NXPE2: variants seen among roughly 807,000 people sequenced by gnomAD.
NXPE2 encodes the protein NXPE family member 2.
Under a neutral mutation model 34.4 loss-of-function variants are expected in NXPE2, and 34 were observed. The observed-to-expected ratio is 0.99, with a 90% CI of 0.75 to 1.31. The LOEUF is 1.31. NXPE2 is among the 40% of genes most tolerant of loss of function. The pLI, the probability that NXPE2 is intolerant of heterozygous loss-of-function variation, is 0.00. For synonymous variants in NXPE2, 235 were observed against 231.3 expected, an observed-to-expected ratio of 1.02 and a Z score of -0.15; for missense variants, 649 against 672.5, an observed-to-expected ratio of 0.97 and a Z score of 0.39.
the NXPE2 span, among the ~76,000 whole-genome samples, chr11:114,626,863 G>A: frequency 1.6e-4 from 24 of 152,190 alleles, no homozygotes; most frequent in African/African-American, 2.9e-4. Context: ...CGAGAACTAC[G>A]TGAAGAATGC....
chr11:114,770,234 G>A, the NXPE2 span, among the ~76,000 whole-genome samples: 28 of 152,188 alleles, frequency 1.8e-4, no homozygotes, highest in African/African-American at 5.8e-4. Flanking sequence ...AGGTCAGTCT[G>A]GTGGTTTTCT....
At chr11:114,646,743 A>G in the NXPE2 span, among the ~76,000 whole-genome samples, 2 of 152,194 alleles carry the variant, frequency 1.3e-5, no homozygotes. Context: ...ATTACACAAT[A>G]TAATAAGTTT....
At chr11:114,542,633 A>G in the NXPE2 span, among the ~76,000 whole-genome samples, 1 of 152,178 alleles carries the variant, frequency 6.6e-6, no homozygotes, top group East Asian at 1.9e-4. Flanking sequence ...TAACTGAAGT[A>G]AAAGGACATT....
At chr11:114,627,706 T>C in the NXPE2 span, among the ~76,000 whole-genome samples, 2 of 152,196 alleles carry the variant, frequency 1.3e-5, no homozygotes. Context: ...AATGCTCCAA[T>C]TAAAAGACAC....
At chr11:114,467,858 C>T in the NXPE2 span, among the ~76,000 whole-genome samples, 1 of 152,012 alleles carries the variant, frequency 6.6e-6, no homozygotes, top group South Asian at 2.1e-4. Context: ...ATCACTTGAA[C>T]TTGGGAGGCA....
At chr11:114,776,219 C>T in the NXPE2 span, among the ~76,000 whole-genome samples, 2 of 152,216 alleles carry the variant, frequency 1.3e-5, no homozygotes, top group African/African-American at 2.4e-5. Context: ...CAGCGGCCCC[C>T]GTGTCCGGGC....
At chr11:114,465,727 G>A in the NXPE2 span, among the ~76,000 whole-genome samples, 2 of 152,304 alleles carry the variant, frequency 1.3e-5, no homozygotes, top group Admixed American at 1.3e-4. Context: ...TACTTGGGAA[G>A]CTGAGGCAGG....
At chr11:114,521,330 A>C in the NXPE2 span, among the ~76,000 whole-genome samples, 3 of 152,158 alleles carry the variant, frequency 2.0e-5, no homozygotes, top group Non-Finnish European at 4.4e-5. Context: ...TATGTATTTC[A>C]ATTAACTGCA....
the NXPE2 span, among the ~76,000 whole-genome samples, chr11:114,715,251 CAA>C: frequency 5.9e-5 from 9 of 152,098 alleles, no homozygotes. Flanking sequence ...AAATAATACC[CAA>C]GAGGCAAATA....
the NXPE2 span, among the ~76,000 whole-genome samples, chr11:114,737,308 T>G: frequency 1.3e-5 from 2 of 152,176 alleles, no homozygotes; most frequent in African/African-American, 4.8e-5. Flanking sequence ...CAATATGAGC[T>G]AATGCCTCAA....
chr11:114,718,215 C>A, the NXPE2 span, among the ~76,000 whole-genome samples: 2 of 152,192 alleles, frequency 1.3e-5, no homozygotes, highest in Non-Finnish European at 2.9e-5. Flanking sequence ...AGATCTGTAT[C>A]TTTGGACAAG....
At chr11:114,569,512 G>T in the NXPE2 span, among the ~76,000 whole-genome samples, 9 of 152,180 alleles carry the variant, frequency 5.9e-5, no homozygotes, top group African/African-American at 1.9e-4. Context: ...TCTGGCTGAA[G>T]CAGTGGTATT....
the NXPE2 span, chr11:114,530,937 T>C: frequency 6.4e-7 from 1 of 1,552,916 alleles, no homozygotes; most frequent in Non-Finnish European, 8.7e-7. Flanking sequence ...TGATATACTA[T>C]GAAATTAACC....
At chr11:114,491,902 T>G in the NXPE2 span, among the ~76,000 whole-genome samples, 3 of 152,146 alleles carry the variant, frequency 2.0e-5, no homozygotes, top group African/African-American at 7.2e-5. Context: ...AGCAAACTAT[T>G]GCAAGGACAA....
At chr11:114,742,829 C>T in the NXPE2 span, among the ~76,000 whole-genome samples, 1 of 152,104 alleles carries the variant, frequency 6.6e-6, no homozygotes, top group African/African-American at 2.4e-5. Context: ...CCAAGCATAG[C>T]TCTGGGGTAG....
chr11:114,794,712 A>G, the NXPE2 span, among the ~76,000 whole-genome samples: 1 of 152,192 alleles, frequency 6.6e-6, no homozygotes, highest in Non-Finnish European at 1.5e-5. Flanking sequence ...TGTTCCTATC[A>G]TAGAATAGGA....
the NXPE2 span, among the ~76,000 whole-genome samples, chr11:114,591,252 G>T: frequency 1.3e-5 from 2 of 152,156 alleles, no homozygotes; most frequent in Non-Finnish European, 2.9e-5. Context: ...GCAAGGGAAA[G>T]GTAGCTAACA....
At chr11:114,658,181 C>A in the NXPE2 span, among the ~76,000 whole-genome samples, 1 of 152,126 alleles carries the variant, frequency 6.6e-6, no homozygotes, top group Non-Finnish European at 1.5e-5. Flanking sequence ...CACAGGCCAA[C>A]CATCTAGCTT....
chr11:114,663,788 C>T, the NXPE2 span, among the ~76,000 whole-genome samples: 2 of 151,978 alleles, frequency 1.3e-5, no homozygotes, highest in African/African-American at 4.8e-5. Flanking sequence ...AAAATTTAAA[C>T]ATTTCATCCA....
Sources: allele counts gnomAD v4.1 joint callset (sites outside exome capture counted in the v4.1 genomes callset), GRCh38; gene constraint gnomAD v4.1.1; transcripts MANE v1.5; gene names NCBI Gene and HGNC (gene_info 2026-07-23, HGNC 2026-07-21).